The following GALNTL6 variants were observed in gnomAD, a reference collection of about 807,000 sequenced individuals.
The protein encoded by GALNTL6 is polypeptide N-acetylgalactosaminyltransferase like 6.
A neutral mutation model predicts 73.7 loss-of-function variants in GALNTL6; 46 were observed. The observed-to-expected ratio is 0.62, with a 90% CI of 0.49 to 0.80. The LOEUF (loss-of-function observed/expected upper bound fraction) is 0.80. Ranked by LOEUF, GALNTL6 falls within the 30% of genes least tolerant of loss-of-function variation. The probability of loss-of-function intolerance (pLI) is 0.00; values close to 1 mark genes in which losing one functional copy is unlikely to be tolerated. For missense variants in GALNTL6, 604 were observed against 755.0 expected (o/e 0.80, Z 2.34); for synonymous variants, 259 against 263.7 (o/e 0.98, Z 0.17).
intron 3 of GALNTL6, among the ~76,000 whole-genome samples, chr4:172,248,692 T>A (rs1405782940): frequency 6.6e-6 from 1 of 152,128 alleles, no homozygotes; most frequent in Non-Finnish European, 1.5e-5. Flanking sequence ...GGGAGGTAAT[T>A]GAATCATGGG....
At chr4:172,592,956 C>A (rs948718752) in intron 5 of GALNTL6, among the ~76,000 whole-genome samples, 36 of 151,664 alleles carry the variant, frequency 2.4e-4, no homozygotes, top group African/African-American at 8.5e-4. Flanking sequence ...TTTTTTTTAT[C>A]CTAGGATTTG....
intron 2 of GALNTL6, among the ~76,000 whole-genome samples, chr4:171,836,532 G>A (rs189185459): frequency 6.6e-6 from 1 of 152,214 alleles, no homozygotes; most frequent in African/African-American, 2.4e-5. Flanking sequence ...TCCTTGTCAT[G>A]TACCACACAC....
At chr4:172,362,773 C>T (rs1338893209) in intron 5 of GALNTL6, among the ~76,000 whole-genome samples, 2 of 152,114 alleles carry the variant, frequency 1.3e-5, no homozygotes. Context: ...CATCATCATC[C>T]ATTGAAACTA....
At chr4:172,561,239 G>A (rs1260195777) in intron 5 of GALNTL6, among the ~76,000 whole-genome samples, 2 of 112,888 alleles carry the variant, frequency 1.8e-5, no homozygotes, top group Non-Finnish European at 3.3e-5. Context: ...CGGCCTGGGC[G>A]ACAGAGAGAG....
At chr4:172,390,622 A>T (rs1743630997) in intron 5 of GALNTL6, among the ~76,000 whole-genome samples, 1 of 152,190 alleles carries the variant, frequency 6.6e-6, no homozygotes, top group Non-Finnish European at 1.5e-5. Flanking sequence ...CATAGTTTAT[A>T]CAAAATTCAG....
intron 2 of GALNTL6, among the ~76,000 whole-genome samples, chr4:171,946,239 T>C (rs1448099018): frequency 6.6e-6 from 1 of 152,090 alleles, no homozygotes; most frequent in African/African-American, 2.4e-5. Flanking sequence ...AAAATCAAAA[T>C]GTCAGAGTCA....
chr4:171,953,453 G>A (rs1738949659), intron 2 of GALNTL6, among the ~76,000 whole-genome samples: 1 of 152,114 alleles, frequency 6.6e-6, no homozygotes, highest in Non-Finnish European at 1.5e-5. Flanking sequence ...TCATTGATCA[G>A]AATTGGCATT....
chr4:172,914,743 A>G (rs909133511), intron 8 of GALNTL6, among the ~76,000 whole-genome samples: 3 of 152,236 alleles, frequency 2.0e-5, no homozygotes, highest in Non-Finnish European at 1.5e-5. Context: ...ACCCAGATTC[A>G]TAAAGCAAGT....
At chr4:172,047,134 C>T (rs1490255988) in intron 2 of GALNTL6, among the ~76,000 whole-genome samples, 1 of 152,128 alleles carries the variant, frequency 6.6e-6, no homozygotes, top group Non-Finnish European at 1.5e-5. Context: ...GAAACTTGCG[C>T]TCACTTCCTT....
At chr4:172,085,633 G>A (rs1041888597) in intron 2 of GALNTL6, among the ~76,000 whole-genome samples, 18 of 151,394 alleles carry the variant, frequency 1.2e-4, no homozygotes, top group Non-Finnish European at 2.4e-4. Flanking sequence ...TTTAAATAAC[G>A]TATTTTAATT....
chr4:171,923,564 A>ATT (rs33929033), intron 2 of GALNTL6, among the ~76,000 whole-genome samples: 5,368 of 137,812 alleles, frequency 0.039, 225 homozygotes, highest in African/African-American at 0.092. Context: ...CTCCCGGCTA[A>ATT]TTTTTTTTTT....
At chr4:172,852,301 T>C (rs775558255) in intron 7 of GALNTL6, among the ~76,000 whole-genome samples, 1 of 152,138 alleles carries the variant, frequency 6.6e-6, no homozygotes, top group Non-Finnish European at 1.5e-5. Flanking sequence ...ATTTTGAGAC[T>C]GCATCAGCCC....
At chr4:172,993,292 C>T (rs776461474) in intron 10 of GALNTL6, among the ~76,000 whole-genome samples, 1 of 152,198 alleles carries the variant, frequency 6.6e-6, no homozygotes, top group Non-Finnish European at 1.5e-5. Flanking sequence ...TAAAAAGTGG[C>T]CATCTGCAAG....
chr4:172,961,539 C>T (rs1750056829), intron 10 of GALNTL6, among the ~76,000 whole-genome samples: 2 of 152,174 alleles, frequency 1.3e-5, no homozygotes, highest in Admixed American at 6.5e-5. Flanking sequence ...CACGTGATTA[C>T]ACACTAAGGG....
At chr4:172,895,258 C>G (rs1746258685) in intron 8 of GALNTL6, among the ~76,000 whole-genome samples, 1 of 119,950 alleles carries the variant, frequency 8.3e-6, no homozygotes, top group African/African-American at 3.2e-5. Flanking sequence ...TGCTTTGTAG[C>G]TCTTCTTTTC....
At chr4:173,026,224 G>A (rs1753225371) in intron 12 of GALNTL6, among the ~76,000 whole-genome samples, 1 of 152,192 alleles carries the variant, frequency 6.6e-6, no homozygotes, top group African/African-American at 2.4e-5. Context: ...TGAAATGGAG[G>A]AGATATCAGA....
At chr4:172,529,008 C>CAT (rs1735079580) in intron 5 of GALNTL6, among the ~76,000 whole-genome samples, 1 of 23,884 alleles carries the variant, frequency 4.2e-5, no homozygotes, top group East Asian at 1.6e-3. Context: ...TATATATATA[C>CAT]ACACACACAC....
intron 2 of GALNTL6, among the ~76,000 whole-genome samples, chr4:172,140,238 G>T (rs1304800026): frequency 6.6e-6 from 1 of 151,958 alleles, no homozygotes; most frequent in Admixed American, 6.6e-5. Flanking sequence ...TGCAGAAAAA[G>T]GTGTCATGCA....
chr4:172,853,165 C>A (rs1172913037), intron 7 of GALNTL6, among the ~76,000 whole-genome samples: 1 of 152,204 alleles, frequency 6.6e-6, no homozygotes, highest in Non-Finnish European at 1.5e-5. Flanking sequence ...GTAGTCCCAT[C>A]TGAAGCTCAG....
Sources: allele counts gnomAD v4.1 joint callset (sites outside exome capture counted in the v4.1 genomes callset), GRCh38; gene constraint gnomAD v4.1.1; transcripts MANE v1.5; gene names NCBI Gene and HGNC (gene_info 2026-07-23, HGNC 2026-07-21).